The following ABCA5 variants were observed in gnomAD, a reference collection of about 807,000 sequenced individuals.
The protein encoded by ABCA5 is cholesterol transporter ABCA5.
ABCA5 carries 163 observed loss-of-function variants against 206.0 expected under a neutral mutation model. The observed-to-expected ratio is 0.79, with a 90% CI of 0.70 to 0.90. The LOEUF (loss-of-function observed/expected upper bound fraction) is 0.90. Among genes scored for constraint, ABCA5 ranks in the 40% least tolerant of loss-of-function variants. The pLI is 0.00. For synonymous variants in ABCA5, 609 were observed against 613.8 expected (o/e 0.99, Z 0.11); for missense variants, 1,859 against 1,912.9 (o/e 0.97, Z 0.53).
chr17:69,275,811 A>G (rs2075325274), intron 19 of ABCA5, among the ~76,000 whole-genome samples: 1 of 152,148 alleles, frequency 6.6e-6, no homozygotes, highest in Non-Finnish European at 1.5e-5. Flanking sequence ...TCTGCATCAG[A>G]TGGCATCATG....
chr17:69,275,069 C>G (rs927666505), intron 19 of ABCA5, among the ~76,000 whole-genome samples: 2 of 152,010 alleles, frequency 1.3e-5, no homozygotes, highest in Non-Finnish European at 2.9e-5. Context: ...GTCTCAAACT[C>G]CTGGCCTCAA....
intron 3 of ABCA5, 27 bp downstream of exon 3, chr17:69,313,065 C>G: frequency 6.7e-7 from 1 of 1,485,988 alleles, no homozygotes; most frequent in South Asian, 1.3e-5. Flanking sequence ...ATATTATAAA[C>G]AGAATATATA....
At chr17:69,305,207 G>A (rs1160161791) in intron 6 of ABCA5, among the ~76,000 whole-genome samples, 1 of 152,010 alleles carries the variant, frequency 6.6e-6, no homozygotes, top group Non-Finnish European at 1.5e-5. Flanking sequence ...ACCTCTGATG[G>A]CTTCTGTAAC....
At chr17:69,304,870 T>C in intron 6 of ABCA5, 60 bp from the exon 7 acceptor site, 1 of 1,378,960 alleles carries the variant, frequency 7.3e-7, no homozygotes, top group Non-Finnish European at 9.5e-7. Flanking sequence ...AGTTAAAAAA[T>C]CATTTTAAAC....
chr17:69,260,167 T>C (rs1306618425), intron 27 of ABCA5, among the ~76,000 whole-genome samples, 171 bp downstream of exon 27: 1 of 151,956 alleles, frequency 6.6e-6, no homozygotes, highest in Non-Finnish European at 1.5e-5. Flanking sequence ...ATTCAGTAAA[T>C]GAAAGGTACT....
At chr17:69,315,429 T>C (rs543758868) in intron 1 of ABCA5, 53 of 152,350 alleles carry the variant, frequency 3.5e-4, no homozygotes, top group African/African-American at 1.2e-3. Context: ...ACATTTTCTG[T>C]AGGTATTAAC....
chr17:69,251,702 A>G lies in ABCA5; in HGVS notation c.4535+45T>C, dbSNP rs191435610. 156 of 1,558,512 alleles carry G rather than the reference A, an allele frequency of 1.0e-4. No homozygotes were observed. The African/African-American group carries it at 1.9e-3, about 19-fold the overall frequency. ...TTGAAATGATGACTTTCAAAATCCA[A>G]CCCCCAACCTCTTCCCCTGAATGGC... On this transcript the variant is annotated intron_variant, in intron 35 of 38. Coordinates refer to ENST00000392676, the MANE Select transcript of ABCA5 (RefSeq NM_172232.4).
intron 1 of ABCA5, among the ~76,000 whole-genome samples, chr17:69,320,300 GA>G (rs2075852901): frequency 6.6e-6 from 1 of 152,102 alleles, no homozygotes; most frequent in African/African-American, 2.4e-5. Flanking sequence ...ATTTAAAGAC[GA>G]ATTAGTGAGC....
In ABCA5 at chr17:69,292,994, C is replaced by T. The variant is rs1465706328; in HGVS notation, c.1495+1661G>A. Among the ~76,000 whole-genome samples, 4 of 151,780 alleles carry T rather than the reference C, an allele frequency of 2.6e-5. No homozygotes were observed. The East Asian group carries it at 7.9e-4, about 30-fold the overall frequency. ...TTATTAGGCAAATGCAAACTAAAAC[C>T]CTATTAGTATACCACTATACCTACT... is the stretch of plus-strand genomic sequence containing the variant. On this transcript the variant is annotated intron_variant, in intron 11 of 38. Transcript: ENST00000392676.
chr17:69,272,544 A>T (rs945933726), intron 20 of ABCA5, among the ~76,000 whole-genome samples: 8 of 152,172 alleles, frequency 5.3e-5, no homozygotes, highest in African/African-American at 1.9e-4. Context: ...ATACATGTAC[A>T]ATTCCCTGGA....
chr17:69,305,695 C>T (rs565123210), intron 6 of ABCA5, among the ~76,000 whole-genome samples: 3 of 152,016 alleles, frequency 2.0e-5, no homozygotes, highest in Non-Finnish European at 4.4e-5. Flanking sequence ...CATGGCGAGA[C>T]CCCCGTCCCT....
intron 9 of ABCA5, among the ~76,000 whole-genome samples, chr17:69,299,459 CACACACACACAT>C (rs1297995826): frequency 3.3e-5 from 4 of 120,908 alleles, no homozygotes; most frequent in African/African-American, 5.5e-5. Flanking sequence ...ATGTGATACA[CACACACACACAT>C]ACACACACAC....
chr17:69,300,518 T>G (rs891957237), intron 9 of ABCA5, among the ~76,000 whole-genome samples: 2 of 152,210 alleles, frequency 1.3e-5, no homozygotes, highest in African/African-American at 4.8e-5. Flanking sequence ...GATTGCACCA[T>G]GCAATTTAGT....
intron 16 of ABCA5, 61 bp from the exon 17 acceptor site, chr17:69,286,098 G>A: frequency 1.9e-6 from 3 of 1,570,268 alleles, no homozygotes; most frequent in Non-Finnish European, 2.6e-6. Flanking sequence ...AGTAAATTAT[G>A]AAGGCTTTAA....
chr17:69,254,160 T>C (rs145713796), intron 32 of ABCA5, among the ~76,000 whole-genome samples, 155 bp downstream of exon 32: 1 of 152,326 alleles, frequency 6.6e-6, no homozygotes, highest in East Asian at 1.9e-4. Context: ...CAGCTATCAG[T>C]ATATTTTCAT....
chr17:69,325,829 A>G (rs1465718723), intron 1 of ABCA5: 1 of 152,236 alleles, frequency 6.6e-6, no homozygotes, highest in East Asian at 1.9e-4. Context: ...TTTAAAAATA[A>G]AAGACATGCA....
At chr17:69,286,155 C>G in intron 16 of ABCA5, 66 bp downstream of exon 16, 1 of 1,547,086 alleles carries the variant, frequency 6.5e-7, no homozygotes. Flanking sequence ...TAACAGCAAG[C>G]CTCCAACATA....
chr17:69,287,948 G>C (rs72857806), intron 14 of ABCA5, among the ~76,000 whole-genome samples, 197 bp from the exon 15 acceptor site: 1,976 of 152,072 alleles, frequency 0.013, 19 homozygotes, highest in Non-Finnish European at 0.018. Flanking sequence ...TATTTTCCCA[G>C]GTTTAATTCT....
At position 69,286,046 on chromosome 17, in the gene ABCA5, T is replaced by C. The variant is rs113955104; in HGVS notation, c.2133-9A>G. 6.3e-6 allele frequency: 10 copies of C among 1,597,408 alleles called. No individual in the cohort carries two copies. Among genetic ancestry groups the C allele is most frequent in the South Asian group, 3.4e-5 (3 of 87,618 alleles). ...ATTTGTCTATGTACATGCTAGAGAA[T>C]ACCAAAAATCACAATTAATGATTAT... On this transcript the variant is annotated splice_polypyrimidine_tract_variant and intron_variant, in intron 16 of 38. Coordinates refer to ENST00000392676, the MANE Select transcript of ABCA5 (RefSeq NM_172232.4).
Sources: allele counts gnomAD v4.1 joint callset (sites outside exome capture counted in the v4.1 genomes callset), GRCh38; gene constraint gnomAD v4.1.1; transcripts MANE v1.5; gene names NCBI Gene and HGNC (gene_info 2026-07-23, HGNC 2026-07-21).